The following SOX5 variants were observed in gnomAD, a reference collection of about 807,000 sequenced individuals.
SOX5 encodes the protein SRY-box transcription factor 5.
Under a neutral mutation model 92.0 loss-of-function variants are expected in SOX5, and 9 were observed. The observed-to-expected ratio is 0.10, with a 90% CI of 0.06 to 0.17. SOX5 has a LOEUF of 0.17. Among genes scored for constraint, SOX5 ranks in the 10% least tolerant of loss-of-function variants. SOX5 has a pLI of 1.00. For missense variants in SOX5, 642 were observed against 944.5 expected (o/e 0.68, Z 4.20); for synonymous variants, 344 against 336.3 (o/e 1.02, Z -0.25).
At chr12:23,998,828 G>T (rs1245145393) in intron 4 of SOX5, among the ~76,000 whole-genome samples, 279 of 147,662 alleles carry the variant, frequency 1.9e-3, no homozygotes, top group African/African-American at 6.5e-3. Context: ...AAAAAAAAGG[G>T]GGGGCGAAAA....
chr12:24,383,225 GTCTT>G (rs1293331196), intron 1 of SOX5, among the ~76,000 whole-genome samples: 2 of 152,112 alleles, frequency 1.3e-5, no homozygotes, highest in African/African-American at 4.8e-5. Flanking sequence ...GCCCAAATGA[GTCTT>G]TATTTAAAAG....
intron 4 of SOX5, among the ~76,000 whole-genome samples, chr12:24,137,680 G>C (rs1211100812): frequency 6.6e-6 from 1 of 152,094 alleles, no homozygotes; most frequent in African/African-American, 2.4e-5. Context: ...TCTGTTGTAA[G>C]TCTTCAAACT....
intron 2 of SOX5, among the ~76,000 whole-genome samples, chr12:23,850,735 C>T (rs892026846): frequency 6.6e-6 from 1 of 152,020 alleles, no homozygotes; most frequent in African/African-American, 2.4e-5. Context: ...AATAATTTTT[C>T]ATAAAATGTC....
chr12:24,284,888 G>C (rs1378427338), intron 2 of SOX5, among the ~76,000 whole-genome samples: 1 of 152,308 alleles, frequency 6.6e-6, no homozygotes, highest in East Asian at 1.9e-4. Flanking sequence ...ACTTCGGGAC[G>C]CTCAGTCGGG....
chr12:23,767,863 A>C (rs144808987), intron 3 of SOX5, among the ~76,000 whole-genome samples: 1 of 151,888 alleles, frequency 6.6e-6, no homozygotes, highest in African/African-American at 2.4e-5. Flanking sequence ...AAAGATACAG[A>C]TCTGTAGATT....
intron 4 of SOX5, among the ~76,000 whole-genome samples, chr12:24,147,644 A>T (rs1951217869): frequency 6.6e-6 from 1 of 152,212 alleles, no homozygotes; most frequent in Non-Finnish European, 1.5e-5. Context: ...GTCACAGACA[A>T]CATAATTGTC....
rs1258694997 is a variant in SOX5, at chr12:24,047,180, C to T, written c.-1-151156G>A. Among the ~76,000 whole-genome samples, 4 of 152,104 alleles carry T rather than the reference C, an allele frequency of 2.6e-5. No individual in the cohort carries two copies. In the East Asian group the frequency reaches 7.7e-4, roughly 29 times the overall value. ...AAGAAAACATTTCAGTGTCACTGAT[C>T]ACACCATTTATGCTGGGCTGACCTT... is the stretch of plus-strand genomic sequence containing the variant. On this transcript the variant is annotated intron_variant, in intron 4 of 4. Coordinates refer to the SOX5 transcript ENST00000446891.
At chr12:23,585,928 T>C (rs1003338023) in intron 9 of SOX5, among the ~76,000 whole-genome samples, 3 of 152,104 alleles carry the variant, frequency 2.0e-5, no homozygotes, top group Admixed American at 1.3e-4. Flanking sequence ...TCACGGGCTA[T>C]GTAAATGGCA....
intron 1 of SOX5, among the ~76,000 whole-genome samples, chr12:24,548,421 T>C (rs1952850671): frequency 6.6e-6 from 1 of 152,142 alleles, no homozygotes; most frequent in South Asian, 2.1e-4. Context: ...ATGGGCAGGA[T>C]TTTAGAATAT....
At chr12:24,105,868 C>T (rs558976740) in intron 4 of SOX5, among the ~76,000 whole-genome samples, 19 of 152,236 alleles carry the variant, frequency 1.2e-4, no homozygotes, top group African/African-American at 4.3e-4. Flanking sequence ...TTGGTATCAT[C>T]ATAAACAATG....
At chr12:24,072,346 T>C (rs1020816677) in intron 4 of SOX5, among the ~76,000 whole-genome samples, 3 of 152,178 alleles carry the variant, frequency 2.0e-5, no homozygotes, top group Non-Finnish European at 4.4e-5. Flanking sequence ...CAGATTGTCA[T>C]ATAAAAGATT....
intron 4 of SOX5, among the ~76,000 whole-genome samples, chr12:24,026,393 C>T (rs761024955): frequency 6.6e-5 from 10 of 151,904 alleles, no homozygotes; most frequent in Non-Finnish European, 1.5e-4. Flanking sequence ...GAAAATCCCA[C>T]TGGTACTGTG....
chr12:23,761,608 C>T (rs980983442), intron 3 of SOX5, among the ~76,000 whole-genome samples: 11 of 152,088 alleles, frequency 7.2e-5, no homozygotes, highest in Admixed American at 2.0e-4. Context: ...TATATAAAGG[C>T]AGAACTTGCA....
chr12:24,106,095 T>A (rs1353869502), intron 4 of SOX5, among the ~76,000 whole-genome samples: 1 of 152,004 alleles, frequency 6.6e-6, no homozygotes, highest in African/African-American at 2.4e-5. Context: ...ACTAAAATCA[T>A]TTGCATTTTA....
At chr12:23,779,787 A>AT (rs2095224126) in intron 3 of SOX5, among the ~76,000 whole-genome samples, 3 of 86,638 alleles carry the variant, frequency 3.5e-5, no homozygotes, top group East Asian at 3.2e-4. Flanking sequence ...TCACAGATTA[A>AT]AATATATATA....
chr12:24,450,465 A>AT (rs1555300467), intron 1 of SOX5, among the ~76,000 whole-genome samples: 15 of 144,854 alleles, frequency 1.0e-4, no homozygotes, highest in East Asian at 4.0e-4. Flanking sequence ...TCGAGTGTGT[A>AT]TTTATTTTAT....
At chr12:24,023,622 C>T (rs1954557249) in intron 4 of SOX5, among the ~76,000 whole-genome samples, 1 of 152,024 alleles carries the variant, frequency 6.6e-6, no homozygotes, top group Non-Finnish European at 1.5e-5. Context: ...GACATTGGCA[C>T]AGGTAGTGGT....
intron 3 of SOX5, among the ~76,000 whole-genome samples, chr12:23,757,282 A>G (rs1235777253): frequency 6.6e-6 from 1 of 151,810 alleles, no homozygotes; most frequent in East Asian, 1.9e-4. Flanking sequence ...ACATAGCTCT[A>G]TTTTTCACAT....
chr12:24,220,768 G>T (rs1183161105), intron 3 of SOX5, among the ~76,000 whole-genome samples: 4 of 152,086 alleles, frequency 2.6e-5, no homozygotes. Flanking sequence ...ATTTTGAACG[G>T]CAGTGCTCAT....
Sources: allele counts gnomAD v4.1 joint callset (sites outside exome capture counted in the v4.1 genomes callset), GRCh38; gene constraint gnomAD v4.1.1; transcripts MANE v1.5; gene names NCBI Gene and HGNC (gene_info 2026-07-23, HGNC 2026-07-21).